TNS1: variants seen among roughly 807,000 people sequenced by gnomAD.
TNS1 encodes the protein tensin 1.
In TNS1, 62 loss-of-function variants were observed where a neutral mutation model predicts 168.6. That is an observed-to-expected ratio of 0.37 (90% CI 0.30 to 0.45). The LOEUF is 0.45. TNS1 is among the 20% of genes least tolerant of loss of function. The pLI, the probability that TNS1 is intolerant of heterozygous loss-of-function variation, is 1.00. For missense variants in TNS1, 2,240 were observed against 2,339.4 expected, an observed-to-expected ratio of 0.96 and a Z score of 0.88; for synonymous variants, 934 against 933.2, an observed-to-expected ratio of 1.00 and a Z score of -0.02.
At position 217,818,678 on chromosome 2, in the gene TNS1, G is replaced by A. The variant is rs750340933; in HGVS notation, c.3654C>T (p.Gly1218=). 25 of 1,614,238 alleles carry A rather than the reference G, an allele frequency of 1.5e-5. No homozygotes were observed. In the African/African-American group the frequency reaches 3.3e-4, roughly 22 times the overall value. Residue 1218 remains glycine, a synonymous_variant, in exon 24 of 33, where the codon GGC becomes GGT. Coordinates refer to ENST00000682258, the MANE Select transcript of TNS1 (RefSeq NM_001387777.1). ...GCTGTCCCAGGCTGCCTGAGCGGAA[G>A]CCAGACTCCAACAGAGGCTGGGTGG... is the stretch of plus-strand genomic sequence containing the variant. The part of the protein sequence containing the change: ...RTPTQPLLES[G]FRSGSLGQPS...
In TNS1 at chr2:217,813,389, C is replaced by T. The variant is rs578160400; in HGVS notation, c.4862-82G>A. The T allele has an allele frequency of 4.9e-6, 6 of 1,222,326 alleles. No homozygotes were observed. Among genetic ancestry groups the T allele is most frequent in the South Asian group, 2.6e-5 (2 of 76,930 alleles). 75.7% of individuals were successfully genotyped at this position (1,222,326 alleles called of 1,614,324 possible). A position where few individuals can be genotyped will look rare whatever the true frequency, so the allele number is the denominator to read the frequency against. ...CCTCCCAAGACTGCTTCAAAACTTC[C>T]GCAGTGTGCGGGGCCAAGATGGGAG... On this transcript the variant is annotated intron_variant, in intron 26 of 32. Coordinates refer to ENST00000682258, the MANE Select transcript of TNS1 (RefSeq NM_001387777.1). This position sits in a 1 kb window ranked among gnomAD's most constrained non-coding sequence, Gnocchi z 4.0.
chr2:217,805,518 A>AC (rs1938545836), intron 32 of TNS1, among the ~76,000 whole-genome samples: 21 of 8,458 alleles, frequency 2.5e-3, no homozygotes, highest in Non-Finnish European at 4.8e-3. Context: ...CACACACACC[A>AC]CACACACCAC....
At chr2:218,028,105 G>T (rs75268795) in intron 1 of TNS1, among the ~76,000 whole-genome samples, 1,799 of 152,310 alleles carry the variant, frequency 0.012, 37 homozygotes, top group African/African-American at 0.041. Context: ...AGCCCCAGCT[G>T]GTCACCAGGC....
rs878977305 is a variant in TNS1, at chr2:217,829,970, AAG to A, written c.3373+1483_3373+1484del. Reference sequence around the variant, plus strand: ...AGATGAGGAAGAGCAAAAAAGGAAAAAGAGAGAAAGAGATTAACAGGGATTAT... The same window carrying A: ...AGATGAGGAAGAGCAAAAAAGGAAAAAGAGAAAGAGATTAACAGGGATTAT... On this transcript the variant is annotated intron_variant, in intron 22 of 32. Coordinates refer to ENST00000682258, the MANE Select transcript of TNS1 (RefSeq NM_001387777.1). The A allele has an allele frequency of 8.4e-5, 131 of 1,558,480 alleles. 1 individual carries two copies. The South Asian group carries it at 1.4e-3, about 17-fold the overall frequency.
At chr2:217,928,577 G>T (rs958044625) in intron 3 of TNS1, among the ~76,000 whole-genome samples, 3 of 152,208 alleles carry the variant, frequency 2.0e-5, no homozygotes, top group African/African-American at 7.2e-5. Context: ...TGGGGACAGG[G>T]AGTGGGCCTG....
intron 3 of TNS1, among the ~76,000 whole-genome samples, chr2:217,959,771 G>T (rs1324777878): frequency 6.6e-6 from 1 of 152,112 alleles, no homozygotes; most frequent in Non-Finnish European, 1.5e-5. Context: ...AAGCAGCTGG[G>T]TGGGCATTAG....
At position 217,804,596 on chromosome 2, in the gene TNS1, C is replaced by T. The variant is rs1187507777; in HGVS notation, c.5383G>A (p.Gly1795Ser). The T allele has an allele frequency of 3.1e-6, 5 of 1,613,924 alleles. No homozygotes were observed. The highest frequency in any genetic ancestry group is 4.2e-6 in the Non-Finnish European group (5 of 1,179,946). ...CTGCCCTGCTTCCGGGCCACGAAGC[C>T]GAAGAGCCTGCAGGCGGGAGAGGGC... ...TEGGAPAKLF[G>S]FVARKQGSTT... The change falls in exon 33 of 33, where the codon GGC becomes AGC. Residue 1795 changes from glycine (G) to serine (S), a missense_variant. Coordinates refer to ENST00000682258, the MANE Select transcript of TNS1 (RefSeq NM_001387777.1).
At chr2:217,952,747 C>T (rs1344465534) in intron 3 of TNS1, among the ~76,000 whole-genome samples, 1 of 152,206 alleles carries the variant, frequency 6.6e-6, no homozygotes, top group Admixed American at 6.5e-5. Flanking sequence ...CCCTTCCCAG[C>T]AGGGCTTGCT....
At chr2:217,909,165 T>C (rs919858966) in intron 4 of TNS1, among the ~76,000 whole-genome samples, 2 of 151,150 alleles carry the variant, frequency 1.3e-5, no homozygotes, top group Non-Finnish European at 3.0e-5. Flanking sequence ...CTCCCTTCTT[T>C]TCCAGGGGCT....
intron 2 of TNS1, among the ~76,000 whole-genome samples, chr2:217,982,188 C>T (rs1958069800): frequency 6.6e-6 from 1 of 152,116 alleles, no homozygotes; most frequent in Non-Finnish European, 1.5e-5. Context: ...TGCCAATAGC[C>T]AGCCCCAGCT....
chr2:217,824,135 T>A lies in TNS1; in HGVS notation c.3374-2197A>T, dbSNP rs1304854361. Among the ~76,000 whole-genome samples the A allele has an allele frequency of 1.3e-5, 2 of 152,222 alleles. 1 individual carries two copies. Among genetic ancestry groups the A allele is most frequent in the East Asian group, 3.8e-4 (2 of 5,202 alleles). On this transcript the variant is annotated intron_variant, in intron 22 of 32. Coordinates refer to ENST00000682258, the MANE Select transcript of TNS1 (RefSeq NM_001387777.1). Reference sequence around the variant, plus strand: ...ACAGCTTACATAGACAACAGGACAGTGAATGGGCATGGTTGGGTTGCAATC... The same window carrying A: ...ACAGCTTACATAGACAACAGGACAGAGAATGGGCATGGTTGGGTTGCAATC...
At chr2:217,939,839 C>T (rs961840187) in intron 3 of TNS1, among the ~76,000 whole-genome samples, 4 of 152,244 alleles carry the variant, frequency 2.6e-5, no homozygotes, top group Non-Finnish European at 5.9e-5. Context: ...TCCAGCTCCA[C>T]AGAGACAAGC....
intron 19 of TNS1, chr2:217,842,008 C>T (rs952999839): frequency 1.4e-6 from 1 of 697,652 alleles, no homozygotes; most frequent in Non-Finnish European, 2.6e-6. Context: ...CAGGAGTGGC[C>T]AACATTGCCC....
chr2:217,805,538 A>C, intron 32 of TNS1, among the ~76,000 whole-genome samples: 1 of 2,446 alleles, frequency 4.1e-4, no homozygotes, highest in East Asian at 8.1e-3. Context: ...CACACACCAC[A>C]CACACCACCA....
At chr2:217,850,606 CA>C (rs1257576958) in intron 18 of TNS1, 3 of 976,796 alleles carry the variant, frequency 3.1e-6, no homozygotes, top group Non-Finnish European at 3.6e-6. Context: ...CACACACACA[CA>C]CACACACACA....
chr2:217,847,083 A>G (rs1187100996), intron 19 of TNS1, among the ~76,000 whole-genome samples: 1 of 152,244 alleles, frequency 6.6e-6, no homozygotes. Flanking sequence ...AGGCAATTGC[A>G]GAGTCTCCTC....
chr2:218,004,098 G>A (rs554830086), upstream of TNS1, among the ~76,000 whole-genome samples: 6 of 152,330 alleles, frequency 3.9e-5, no homozygotes, highest in South Asian at 1.2e-3. Flanking sequence ...GAGGGTGGGT[G>A]GGGGCCAGTG....
chr2:217,829,766 A>G, intron 22 of TNS1: 2 of 1,544,976 alleles, frequency 1.3e-6, no homozygotes, highest in South Asian at 2.3e-5. Context: ...AGCTGCCTCC[A>G]GCCAGCCTCT....
chr2:217,923,096 G>C (rs1559363378), intron 3 of TNS1, among the ~76,000 whole-genome samples: 1 of 152,206 alleles, frequency 6.6e-6, no homozygotes, highest in Admixed American at 6.5e-5. Context: ...CAGTCCTGGA[G>C]TCCCCAGGGG....
Sources: allele counts gnomAD v4.1 joint callset (sites outside exome capture counted in the v4.1 genomes callset), GRCh38; gene constraint gnomAD v4.1.1; non-coding constraint Gnocchi (gnomAD v3.1); transcripts MANE v1.5; gene names NCBI Gene and HGNC (gene_info 2026-07-23, HGNC 2026-07-21).